CA8: variants seen among roughly 807,000 people sequenced by gnomAD.
CA8 encodes the protein carbonic anhydrase-related protein.
Under a neutral mutation model 41.4 loss-of-function variants are expected in CA8, and 22 were observed. That is an observed-to-expected ratio of 0.53 (90% confidence interval 0.38 to 0.76). The LOEUF (loss-of-function observed/expected upper bound fraction) is 0.76, where lower values mean the gene tolerates loss of function less well. Ranked by LOEUF, CA8 falls within the 30% of genes least tolerant of loss-of-function variation. CA8 has a pLI of 0.00. For synonymous variants in CA8, 121 were observed against 130.6 expected (o/e 0.93, Z 0.50); for missense variants, 270 against 352.8 (o/e 0.77, Z 1.88).
At chr8:60,228,587 G>A (rs1403802840) in intron 4 of CA8, among the ~76,000 whole-genome samples, 2 of 152,212 alleles carry the variant, frequency 1.3e-5, no homozygotes, top group African/African-American at 4.8e-5. Context: ...CCTCTTAGCT[G>A]TGTGGCCTTA....
chr8:60,254,185 T>A (rs894142253), intron 3 of CA8, among the ~76,000 whole-genome samples: 1 of 152,252 alleles, frequency 6.6e-6, no homozygotes, highest in Non-Finnish European at 1.5e-5. Flanking sequence ...TCTATATTTA[T>A]CACAGGGTTT....
At chr8:60,211,508 T>C (rs546431818) in intron 7 of CA8, among the ~76,000 whole-genome samples, 23 of 152,198 alleles carry the variant, frequency 1.5e-4, no homozygotes, top group Admixed American at 4.6e-4. Context: ...GAATCCATTT[T>C]TTATTGACTT....
intron 8 of CA8, among the ~76,000 whole-genome samples, chr8:60,197,526 T>C (rs1806315125): frequency 6.6e-6 from 1 of 152,158 alleles, no homozygotes; most frequent in Non-Finnish European, 1.5e-5. Flanking sequence ...TTCTTTTAAG[T>C]GATGAAACAA....
intron 8 of CA8, among the ~76,000 whole-genome samples, chr8:60,207,900 C>T (rs753818501): frequency 5.3e-5 from 8 of 152,158 alleles, no homozygotes; most frequent in South Asian, 2.1e-4. Flanking sequence ...GGACTACAAG[C>T]GTATGCCACC....
Position 60,281,333 on chromosome 8 carries a change from G to A in CA8, c.-186C>T, listed in dbSNP as rs140513157. ...GCAAGCAGGCGTGCGTTCGGACCGAGTGTTCCAGAGACCCGCGTGGGAAGC... is the reference window on the plus strand; with the variant it reads ...GCAAGCAGGCGTGCGTTCGGACCGAATGTTCCAGAGACCCGCGTGGGAAGC... On this transcript the variant is annotated 5_prime_UTR_variant, in exon 1 of 9. Transcript: ENST00000317995. 6.8e-3 allele frequency: 4,019 copies of A among 594,776 alleles called. 17 individuals carry two copies. The highest frequency in any genetic ancestry group is 0.011 in the Middle Eastern group (24 of 2,226). 36.8% of individuals were successfully genotyped at this position (594,776 alleles called of 1,614,324 possible). A position where few individuals can be genotyped will look rare whatever the true frequency, so the allele number is the denominator to read the frequency against.
chr8:60,201,064 T>G (rs1326198317), intron 8 of CA8, among the ~76,000 whole-genome samples: 1 of 152,104 alleles, frequency 6.6e-6, no homozygotes, highest in Non-Finnish European at 1.5e-5. Context: ...AGAAGGCAAA[T>G]CTGCAGAACT....
chr8:60,237,445 T>C (rs1039635966), intron 3 of CA8, among the ~76,000 whole-genome samples: 14 of 152,218 alleles, frequency 9.2e-5, no homozygotes, highest in African/African-American at 3.4e-4. Context: ...CCACTTACCA[T>C]TTCTAAGGAG....
intron 5 of CA8, among the ~76,000 whole-genome samples, chr8:60,225,301 T>A (rs571932916): frequency 1.3e-5 from 2 of 152,320 alleles, no homozygotes; most frequent in Admixed American, 1.3e-4. Flanking sequence ...TTTTTCTCTA[T>A]TGATACAGAT....
intron 3 of CA8, among the ~76,000 whole-genome samples, chr8:60,263,044 T>C (rs1803783674): frequency 6.6e-6 from 1 of 152,186 alleles, no homozygotes; most frequent in Non-Finnish European, 1.5e-5. Context: ...TGGATTTCTA[T>C]TAAAAGCTGT....
chr8:60,260,224 A>C (rs1277163909), intron 3 of CA8, among the ~76,000 whole-genome samples: 2 of 152,182 alleles, frequency 1.3e-5, no homozygotes, highest in Non-Finnish European at 2.9e-5. Flanking sequence ...CCCAGACCGC[A>C]GTAAGCATCT....
chr8:60,210,615 G>A (rs1258092585), intron 7 of CA8, among the ~76,000 whole-genome samples: 1 of 151,368 alleles, frequency 6.6e-6, no homozygotes, highest in Non-Finnish European at 1.5e-5. Context: ...TCTTTTCTGT[G>A]GGTTTTTTTT....
At chr8:60,232,854 T>C (rs908484732) in intron 3 of CA8, among the ~76,000 whole-genome samples, 3 of 152,124 alleles carry the variant, frequency 2.0e-5, no homozygotes, top group Admixed American at 2.0e-4. Context: ...TCTAAGAATA[T>C]TCAGAGATAG....
chr8:60,188,070 T>C lies in CA8; in HGVS notation c.*1951A>G, dbSNP rs1399546201. The C allele has an allele frequency of 1.3e-5, 2 of 152,238 alleles. No homozygotes were observed. The highest frequency in any genetic ancestry group is 2.9e-5 in the Non-Finnish European group (2 of 68,040). The allele number at this position is 152,238 out of a possible 1,614,324, so 9.4% of individuals were successfully genotyped here. On this transcript the variant is annotated 3_prime_UTR_variant, in exon 9 of 9. Coordinates refer to ENST00000317995, the MANE Select transcript of CA8 (RefSeq NM_004056.6). ...TAAAGAATATTATGCCTCCAAACAA[T>C]GTCACCAATGGACACCATGATCTGA...
At chr8:60,214,058 T>G (rs1405572627) in intron 7 of CA8, among the ~76,000 whole-genome samples, 3 of 152,336 alleles carry the variant, frequency 2.0e-5, no homozygotes, top group Non-Finnish European at 2.9e-5. Context: ...CAACAAGCCT[T>G]CCAGGGGATC....
intron 2 of CA8, among the ~76,000 whole-genome samples, chr8:60,272,910 T>TGGA (rs943916722): frequency 2.0e-5 from 3 of 152,250 alleles, no homozygotes; most frequent in Admixed American, 1.3e-4. Context: ...CAGTTTCTCC[T>TGGA]GACACATTAA....
chr8:60,281,088 C>T lies in CA8; in HGVS notation c.60G>A (p.Glu20=). Residue 20 remains glutamate (E), a synonymous_variant, in exon 1 of 9, where the codon GAG becomes GAA. Transcript: ENST00000317995. ...TVAFPEKEED[E]EEEEEGVEWG... is the part of the protein sequence containing the mutation. ...ACTCCACACCCTCCTCTTCTTCCTC[C>T]TCATCCTCTTCCTTCTCGGGGAAGG... The T allele has an allele frequency of 6.2e-7, 1 of 1,610,376 alleles. No individual in the cohort carries two copies.
chr8:60,194,745 G>T (rs1806230879), intron 8 of CA8, among the ~76,000 whole-genome samples: 2 of 152,248 alleles, frequency 1.3e-5, no homozygotes, highest in African/African-American at 4.8e-5. Flanking sequence ...GAACGGGTTT[G>T]TTCCTCACAT....
Position 60,222,746 on chromosome 8 carries a change from T to C in CA8, c.641A>G (p.Asp214Gly), listed in dbSNP as rs867130867. 2.5e-6 allele frequency: 4 copies of C among 1,612,842 alleles called. No individual in the cohort carries two copies. The African/African-American group carries it at 4.0e-5, about 16-fold the overall frequency. Residue 214 changes from aspartate (D) to glycine (G), a missense_variant, in exon 7 of 9, where the codon GAT becomes GGT. Asp to Gly is a moderately conservative substitution (Grantham distance 94). This residue lies in a region of CA8 where 141 missense variants were observed against 191.6 expected (regional missense o/e 0.74). Coordinates refer to ENST00000317995, the MANE Select transcript of CA8 (RefSeq NM_004056.6). The part of the protein sequence containing the change: ...NTLLPDPLLR[D>G]YWVYEGSLTI... ...GAGAGAGCCTTCATACACCCAGTAA[T>C]CCCGCAGCAGAGGGTCTGCACAGCC... is the stretch of plus-strand genomic sequence containing the variant.
At chr8:60,190,957 T>TATATATATATATATATATATAC (rs1554573722) in intron 8 of CA8, among the ~76,000 whole-genome samples, 86 of 104,216 alleles carry the variant, frequency 8.3e-4, no homozygotes, top group African/African-American at 2.4e-3. Flanking sequence ...TATATATATA[T>TATATATATATATATATATATAC]ACACACACAC....
Sources: gnomAD v4.1 joint callset for allele counts (sites outside exome capture counted in the v4.1 genomes callset) on GRCh38, gnomAD v4.1.1 for gene constraint, gnomAD v4.1.1 regional missense constraint, MANE v1.5 for transcripts, NCBI Gene and HGNC (gene_info 2026-07-23, HGNC 2026-07-21) for gene names.